The following EYS variants were observed in gnomAD, a reference collection of about 807,000 sequenced individuals.
EYS encodes the protein protein eyes shut homolog.
EYS carries 250 observed loss-of-function variants against 282.1 expected under a neutral mutation model. The observed-to-expected ratio is 0.89, with a 90% CI of 0.80 to 0.98. The LOEUF is 0.98. Among genes scored for constraint, EYS ranks in the 50% least tolerant of loss-of-function variants. The pLI is 0.00. For synonymous variants in EYS, 1,355 were observed against 1,282.9 expected (o/e 1.06, Z -1.20); for missense variants, 4,016 against 3,709.0 (o/e 1.08, Z -2.15).
At chr6:65,584,497 G>A (rs1469732952) in intron 2 of EYS, among the ~76,000 whole-genome samples, 1 of 151,968 alleles carries the variant, frequency 6.6e-6, no homozygotes, top group African/African-American at 2.4e-5. Context: ...AGAGTAAGGG[G>A]CTGAGATGCC....
At chr6:64,697,839 G>A (rs1448374913) in intron 22 of EYS, among the ~76,000 whole-genome samples, 2 of 152,170 alleles carry the variant, frequency 1.3e-5, no homozygotes, top group Admixed American at 6.5e-5. Flanking sequence ...CTACTCAGGC[G>A]GCTGAGGCAG....
chr6:65,208,488 AG>A (rs1766091811), intron 12 of EYS, among the ~76,000 whole-genome samples: 1 of 151,972 alleles, frequency 6.6e-6, no homozygotes, highest in Non-Finnish European at 1.5e-5. Context: ...TATCTCAAAA[AG>A]ATACCTGCAC....
At chr6:65,227,573 G>T (rs1441846906) in intron 12 of EYS, among the ~76,000 whole-genome samples, 2 of 152,012 alleles carry the variant, frequency 1.3e-5, no homozygotes, top group African/African-American at 2.4e-5. Context: ...CTACTTCTAG[G>T]TATAAATAAA....
At chr6:64,978,910 T>C (rs1770561234) in intron 14 of EYS, among the ~76,000 whole-genome samples, 2 of 151,860 alleles carry the variant, frequency 1.3e-5, no homozygotes, top group Admixed American at 1.3e-4. Flanking sequence ...AATGAGGAAT[T>C]GTTTATTATG....
chr6:64,169,362 G>T (rs1031112309), intron 31 of EYS, among the ~76,000 whole-genome samples: 9 of 151,070 alleles, frequency 6.0e-5, no homozygotes. Flanking sequence ...GGAAGGCTGA[G>T]ATTGAGAGGG....
At chr6:64,347,806 CA>C in intron 29 of EYS, among the ~76,000 whole-genome samples, 1 of 151,386 alleles carries the variant, frequency 6.6e-6, no homozygotes, top group African/African-American at 2.4e-5. Context: ...CCTGGAAACT[CA>C]CTCAACTGTG....
intron 26 of EYS, among the ~76,000 whole-genome samples, chr6:64,497,476 G>C (rs1484769141): frequency 6.6e-6 from 1 of 152,132 alleles, no homozygotes. Flanking sequence ...GATGGGCACA[G>C]TGTGATTGCA....
intron 14 of EYS, among the ~76,000 whole-genome samples, chr6:64,981,965 G>A (rs1379510036): frequency 6.6e-6 from 1 of 151,276 alleles, no homozygotes; most frequent in Non-Finnish European, 1.5e-5. Flanking sequence ...CTGTAGGAAG[G>A]GTCCCCTTTT....
At chr6:64,437,347 G>C (rs1400523570) in intron 27 of EYS, among the ~76,000 whole-genome samples, 4 of 151,604 alleles carry the variant, frequency 2.6e-5, no homozygotes, top group Admixed American at 2.0e-4. Context: ...AAACTAACTA[G>C]TGAATAGAGG....
intron 5 of EYS, among the ~76,000 whole-genome samples, chr6:65,448,065 C>T (rs60771628): frequency 6.6e-6 from 1 of 151,962 alleles, no homozygotes; most frequent in African/African-American, 2.4e-5. Context: ...GCAATTTGGA[C>T]AAATTTTTCT....
chr6:65,051,339 T>G (rs1773262333), intron 13 of EYS, among the ~76,000 whole-genome samples: 1 of 151,558 alleles, frequency 6.6e-6, no homozygotes, highest in East Asian at 1.9e-4. Flanking sequence ...CAGGTTTCAT[T>G]TTATGAATTA....
intron 12 of EYS, among the ~76,000 whole-genome samples, chr6:65,189,335 CATG>C (rs1765588056): frequency 6.6e-6 from 1 of 151,626 alleles, no homozygotes. Flanking sequence ...AAGTTTCGTT[CATG>C]ATGTTTTCAG....
rs574313883 is a variant in EYS at position 65,575,010 on chromosome 6, T to C, written c.-333+64768A>G. Among the ~76,000 whole-genome samples, 6 of 152,212 alleles carry C rather than the reference T, an allele frequency of 3.9e-5. No individual in the cohort carries two copies. The East Asian group carries it at 1.2e-3, about 30-fold the overall frequency. On this transcript the variant is annotated intron_variant, in intron 2 of 42. Coordinates refer to ENST00000503581, the MANE Select transcript of EYS (RefSeq NM_001142800.2). ...ATTTGAAAATTAAACAGCATGGTCC[T>C]AAGCAACAAACAGGTCAAGAATAAA... is the stretch of plus-strand genomic sequence containing the variant.
intron 12 of EYS, among the ~76,000 whole-genome samples, chr6:65,143,090 A>T (rs780022845): frequency 2.6e-5 from 4 of 152,050 alleles, no homozygotes; most frequent in African/African-American, 7.2e-5. Context: ...ATAAATGCTC[A>T]TGATAAACTT....
chr6:64,962,251 T>C (rs1769946170), intron 14 of EYS, among the ~76,000 whole-genome samples: 1 of 152,130 alleles, frequency 6.6e-6, no homozygotes, highest in Non-Finnish European at 1.5e-5. Context: ...ACTACACCAC[T>C]AGTAGTAAAT....
At chr6:65,043,523 T>C (rs1773002463) in intron 13 of EYS, among the ~76,000 whole-genome samples, 1 of 151,632 alleles carries the variant, frequency 6.6e-6, no homozygotes, top group African/African-American at 2.4e-5. Flanking sequence ...TGTACCCTTT[T>C]ATCAACAATT....
intron 22 of EYS, among the ~76,000 whole-genome samples, chr6:64,734,670 T>C (rs1019938990): frequency 1.3e-5 from 2 of 152,172 alleles, no homozygotes; most frequent in Non-Finnish European, 2.9e-5. Flanking sequence ...AAAAAATAAA[T>C]TCTACCTAAA....
chr6:64,014,928 T>C (rs1476788290), intron 33 of EYS, among the ~76,000 whole-genome samples: 1 of 152,122 alleles, frequency 6.6e-6, no homozygotes, highest in Non-Finnish European at 1.5e-5. Context: ...TAGGCAAACT[T>C]TCAATTTGGA....
chr6:65,455,955 A>T (rs1293785464), intron 5 of EYS, among the ~76,000 whole-genome samples: 4 of 151,186 alleles, frequency 2.6e-5, no homozygotes, highest in South Asian at 2.1e-4. Flanking sequence ...GAAAGACGGA[A>T]GGAAGGAAGG....
Sources: gnomAD v4.1 joint callset for allele counts (sites outside exome capture counted in the v4.1 genomes callset) on GRCh38, gnomAD v4.1.1 for gene constraint, MANE v1.5 for transcripts, NCBI Gene and HGNC (gene_info 2026-07-23, HGNC 2026-07-21) for gene names.